Variants in MACF1 observed in about 807,000 individuals in gnomAD.
MACF1 encodes microtubule actin crosslinking factor 1, also known as microtubule-actin cross-linking factor 1.
MACF1 carries 193 observed loss-of-function variants against 854.8 expected under a neutral mutation model. The observed-to-expected ratio is 0.23, with a 90% CI of 0.20 to 0.25. The LOEUF is 0.25. Ranked by LOEUF, MACF1 falls within the 10% of genes least tolerant of loss-of-function variation. MACF1 has a pLI of 1.00. For missense variants in MACF1, 7,722 were observed against 8,929.1 expected (o/e 0.86, Z 5.45); for synonymous variants, 3,185 against 3,226.7 (o/e 0.99, Z 0.44).
chr1:39,324,793 C>T (rs1056897663), intron 35 of MACF1, 59 bp downstream of exon 35: 26 of 1,280,792 alleles, frequency 2.0e-5, no homozygotes, highest in Non-Finnish European at 2.8e-5. Flanking sequence ...CAGTCTAAAA[C>T]TTACAGCCAT....
intron 98 of MACF1, 107 bp downstream of exon 98, chr1:39,480,116 T>G: frequency 1.0e-6 from 1 of 955,556 alleles, no homozygotes. Context: ...GAAATAAAAA[T>G]GAAAACATGT....
At chr1:39,307,981 C>T (rs1436572422) in intron 23 of MACF1, among the ~76,000 whole-genome samples, 1 of 127,696 alleles carries the variant, frequency 7.8e-6, no homozygotes, top group Non-Finnish European at 1.7e-5. Flanking sequence ...CTCGGCTCAC[C>T]GCAAGCTCTG....
rs552413136 is a variant in MACF1 at position 39,456,662 on chromosome 1, C to G, written c.21075+1565C>G. The G allele has an allele frequency of 2.0e-5, 3 of 152,368 alleles. No homozygotes were observed. The South Asian group carries it at 6.2e-4, about 32-fold the overall frequency. 9.4% of individuals were successfully genotyped at this position (152,368 alleles called of 1,614,324 possible). On this transcript the variant is annotated intron_variant, in intron 89 of 100. Transcript: ENST00000564288. The stretch of plus-strand genomic sequence containing the variant: ...TCTCCTTTCTGTTTTCCTCTCTCTC[C>G]TCTATGTCTTCAGTCTCTCCCTGTT...
chr1:39,309,449 C>T (rs996048566), intron 23 of MACF1, 121 bp from the exon 24 acceptor site: 20 of 1,164,980 alleles, frequency 1.7e-5, no homozygotes, highest in Non-Finnish European at 2.2e-5. Flanking sequence ...TGACTTGTTG[C>T]CTTTCTCTGC....
rs559943372 is a variant in MACF1 at position 39,091,245 on chromosome 1, T to A, written c.220+6807T>A. Among the ~76,000 whole-genome samples, 4 of 152,290 alleles carry A rather than the reference T, an allele frequency of 2.6e-5. No homozygotes were observed. The South Asian group carries it at 8.3e-4, about 32-fold the overall frequency. On this transcript the variant is annotated intron_variant, in intron 2 of 93. Transcript: ENST00000361689. ...CTCTGGGATGCCCTCCCCCACTCAT[T>A]CACACATTTCTTCATGTGCTCACTC...
intron 58 of MACF1, chr1:39,410,653 A>G (rs1472651014): frequency 6.2e-7 from 1 of 1,613,872 alleles, no homozygotes; most frequent in Non-Finnish European, 8.5e-7. Context: ...CAATGTTAAC[A>G]GGAGATCGTG....
intron 58 of MACF1, among the ~76,000 whole-genome samples, chr1:39,400,566 G>T (rs756747962): frequency 2.0e-5 from 3 of 151,824 alleles, no homozygotes; most frequent in Non-Finnish European, 4.4e-5. Context: ...AAGTGCAGTG[G>T]CATGATCATG....
intron 2 of MACF1, among the ~76,000 whole-genome samples, chr1:39,243,882 C>T (rs538211855): frequency 6.6e-6 from 1 of 151,982 alleles, no homozygotes; most frequent in South Asian, 2.1e-4. Context: ...CCTCCAAATC[C>T]GATCTCTGTG....
At chr1:39,404,685 A>G (rs1281941645) in intron 58 of MACF1, among the ~76,000 whole-genome samples, 5 of 152,020 alleles carry the variant, frequency 3.3e-5, no homozygotes, top group Admixed American at 1.3e-4. Context: ...GTGTCTTGCA[A>G]TGTTGCTTCG....
At chr1:39,350,138 C>G (rs1647146764) in intron 42 of MACF1, among the ~76,000 whole-genome samples, 1 of 152,192 alleles carries the variant, frequency 6.6e-6, no homozygotes, top group South Asian at 2.1e-4. Flanking sequence ...GAGACCCAAT[C>G]TAGTCTAGGA....
intron 58 of MACF1, among the ~76,000 whole-genome samples, chr1:39,417,702 A>G (rs2932637): frequency 1.5e-5 from 2 of 132,198 alleles, no homozygotes; most frequent in South Asian, 5.2e-4. Context: ...ATGTGCCACC[A>G]CACCCAGTTA....
rs762644604 is a variant in MACF1 at position 39,336,575 on chromosome 1, T to C, written c.9987T>C (p.Ser3329=). Residue 3329 remains serine (S), a synonymous_variant, in exon 37 of 101, where the codon AGT becomes AGC. Coordinates refer to ENST00000564288, the MANE Select transcript of MACF1 (RefSeq NM_001394062.1). ...PQEKLRESPG[S]EQTPFMTAPE... ...AAAAGCTCAGAGAAAGCCCTGGCAG[T>C]GAACAAACTCCCTTCATGACTGCAC... 2 of 1,613,822 alleles carry C rather than the reference T, an allele frequency of 1.2e-6. No individual in the cohort carries two copies. The highest frequency in any genetic ancestry group is 2.2e-5 in the South Asian group (2 of 91,060).
chr1:39,299,703 G>C (rs1571295012), intron 21 of MACF1, among the ~76,000 whole-genome samples: 1 of 151,934 alleles, frequency 6.6e-6, no homozygotes, highest in Non-Finnish European at 1.5e-5. Context: ...ACTCAATTTA[G>C]GAAAATAAAA....
At chr1:39,402,073 TTGG>T (rs146152783) in intron 58 of MACF1, among the ~76,000 whole-genome samples, 24,191 of 151,950 alleles carry the variant, frequency 0.16, 2,392 homozygotes, top group Middle Eastern at 0.22. Flanking sequence ...TTAGCCAGGC[TTGG>T]TGGTGGGTGC....
chr1:39,351,060 A>G (rs1647167296), intron 43 of MACF1, 42 bp downstream of exon 43: 1 of 1,463,296 alleles, frequency 6.8e-7, no homozygotes, highest in African/African-American at 1.4e-5. Flanking sequence ...CAAAAAAGAA[A>G]ATTTTGGTAC....
chr1:39,190,402 T>TTG (rs1491290429), intron 2 of MACF1, among the ~76,000 whole-genome samples: 3 of 93,064 alleles, frequency 3.2e-5, no homozygotes, highest in South Asian at 3.4e-4. Context: ...TTTGTTTTTG[T>TTG]TTTTTTTTTT....
At chr1:39,310,782 T>C (rs1646284340) in intron 25 of MACF1, 49 bp from the exon 26 acceptor site, 4 of 1,530,828 alleles carry the variant, frequency 2.6e-6, no homozygotes, top group African/African-American at 1.4e-5. Flanking sequence ...TCAGGTCTGC[T>C]TATCTCTGAT....
At chr1:39,143,347 T>G (rs1643389135) in intron 2 of MACF1, among the ~76,000 whole-genome samples, 1 of 152,216 alleles carries the variant, frequency 6.6e-6, no homozygotes, top group Non-Finnish European at 1.5e-5. Context: ...CACTTTCTGG[T>G]GGCAATGTCT....
At chr1:39,246,321 C>T (rs987891651) in intron 2 of MACF1, among the ~76,000 whole-genome samples, 1 of 152,204 alleles carries the variant, frequency 6.6e-6, no homozygotes, top group Non-Finnish European at 1.5e-5. Context: ...CTGGTATTTC[C>T]AGCTGCTTCA....
Sources: gnomAD v4.1 joint callset for allele counts (sites outside exome capture counted in the v4.1 genomes callset) on GRCh38, gnomAD v4.1.1 for gene constraint, MANE v1.5 for transcripts, NCBI Gene and HGNC (gene_info 2026-07-23, HGNC 2026-07-21) for gene names.